DLG2: variants seen among roughly 807,000 people sequenced by gnomAD.
DLG2 encodes discs large MAGUK scaffold protein 2.
In DLG2, 45 loss-of-function variants were observed where a neutral mutation model predicts 132.5. The ratio of observed to expected loss-of-function variants is 0.34; its 90% confidence interval spans 0.27 to 0.44. The LOEUF is 0.44. Among genes scored for constraint, DLG2 ranks in the 20% least tolerant of loss-of-function variants. The pLI, the probability that DLG2 is intolerant of heterozygous loss-of-function variation, is 1.00. For missense variants in DLG2, 1,045 were observed against 1,196.9 expected, an observed-to-expected ratio of 0.87 and a Z score of 1.87; for synonymous variants, 424 against 419.6, an observed-to-expected ratio of 1.01 and a Z score of -0.13.
intron 6 of DLG2, among the ~76,000 whole-genome samples, chr11:84,926,390 T>G (rs1274943573): frequency 6.6e-6 from 1 of 152,054 alleles, no homozygotes; most frequent in African/African-American, 2.4e-5. Flanking sequence ...ATCTAAAATA[T>G]CCATCAGTAT....
intron 6 of DLG2, among the ~76,000 whole-genome samples, chr11:84,879,847 C>T (rs938952227): frequency 3.9e-5 from 6 of 152,176 alleles, no homozygotes; most frequent in South Asian, 4.2e-4. Context: ...TATCAAGCTC[C>T]GCTAATCCCA....
chr11:84,622,866 G>A (rs1030595927), intron 6 of DLG2, among the ~76,000 whole-genome samples: 4 of 152,020 alleles, frequency 2.6e-5, no homozygotes, highest in African/African-American at 7.2e-5. Flanking sequence ...GGAGGATATC[G>A]ACCACTGTGA....
At chr11:84,542,533 A>G (rs1256700298) in intron 6 of DLG2, among the ~76,000 whole-genome samples, 5 of 152,200 alleles carry the variant, frequency 3.3e-5, no homozygotes, top group African/African-American at 1.2e-4. Flanking sequence ...AATGCTACAT[A>G]CATAGTGTGT....
At chr11:83,520,695 G>GATAGATAGATAGATAGA (rs1565616703) in intron 21 of DLG2, among the ~76,000 whole-genome samples, 7,313 of 149,110 alleles carry the variant, frequency 0.049, 228 homozygotes, top group East Asian at 0.076. Context: ...AAGTAGGTAG[G>GATAGATAGATAGATAGA]TAGATAGATA....
chr11:83,612,887 T>A (rs1198241639), intron 19 of DLG2, among the ~76,000 whole-genome samples: 1 of 151,732 alleles, frequency 6.6e-6, no homozygotes, highest in Non-Finnish European at 1.5e-5. Context: ...GTAGGCAGAG[T>A]CCAAGTTAAA....
At chr11:83,918,040 A>C (rs1420612857) in intron 15 of DLG2, among the ~76,000 whole-genome samples, 1 of 152,166 alleles carries the variant, frequency 6.6e-6, no homozygotes, top group Non-Finnish European at 1.5e-5. Flanking sequence ...GGGTCTGAAA[A>C]CAGTAATAAT....
intron 6 of DLG2, among the ~76,000 whole-genome samples, chr11:84,664,438 CTT>C (rs750028083): frequency 6.6e-6 from 1 of 152,152 alleles, no homozygotes; most frequent in Non-Finnish European, 1.5e-5. Flanking sequence ...TAACAGAAGA[CTT>C]TGACAAATGT....
intron 11 of DLG2, among the ~76,000 whole-genome samples, chr11:84,009,412 C>T (rs2094757851): frequency 6.6e-6 from 1 of 152,064 alleles, no homozygotes; most frequent in Non-Finnish European, 1.5e-5. Flanking sequence ...AGCTCACATA[C>T]TAAAATGAGC....
At chr11:84,709,194 C>T (rs999544357) in intron 6 of DLG2, among the ~76,000 whole-genome samples, 1 of 151,786 alleles carries the variant, frequency 6.6e-6, no homozygotes. Flanking sequence ...TAAATGAAAC[C>T]TTATCTAGCA....
chr11:84,892,149 C>A (rs2089497113), intron 6 of DLG2, among the ~76,000 whole-genome samples: 1 of 152,040 alleles, frequency 6.6e-6, no homozygotes, highest in African/African-American at 2.4e-5. Context: ...AGAAAGGGAC[C>A]TAAATATAAA....
chr11:83,946,792 A>G lies in DLG2; in HGVS notation c.1340+16093T>C, dbSNP rs1217924880. Among the ~76,000 whole-genome samples the G allele has an allele frequency of 2.0e-5, 3 of 152,218 alleles. No individual in the cohort carries two copies. The South Asian group carries it at 6.2e-4, about 31-fold the overall frequency. On this transcript the variant is annotated intron_variant, in intron 14 of 27. Transcript: ENST00000376104. The stretch of plus-strand genomic sequence containing the variant: ...AAATTTTTGTTAGCAGAATTTAAAC[A>G]AATATTTCTCTCTAAGCTGCAGAAA...
chr11:83,847,140 G>A (rs1414715147), intron 16 of DLG2, among the ~76,000 whole-genome samples: 1 of 151,964 alleles, frequency 6.6e-6, no homozygotes, highest in African/African-American at 2.4e-5. Context: ...AATAATTTTA[G>A]CAATCTTGTT....
intron 6 of DLG2, among the ~76,000 whole-genome samples, chr11:84,796,839 T>TTTTATTTTA (rs2074687232): frequency 6.7e-6 from 1 of 149,750 alleles, no homozygotes; most frequent in African/African-American, 2.5e-5. Flanking sequence ...TTTTATTATA[T>TTTTATTTTA]TTTATTTATT....
chr11:85,219,875 A>T (rs1203817321), intron 4 of DLG2, among the ~76,000 whole-genome samples: 1 of 151,678 alleles, frequency 6.6e-6, no homozygotes, highest in Non-Finnish European at 1.5e-5. Context: ...GAAATTCTGC[A>T]TTTGGAGAAC....
chr11:85,019,293 T>C (rs140599431), intron 6 of DLG2, among the ~76,000 whole-genome samples: 241 of 151,896 alleles, frequency 1.6e-3, no homozygotes, highest in African/African-American at 5.5e-3. Context: ...GAAGTGAAAA[T>C]GGGACTAGGC....
chr11:84,007,698 T>A (rs541309742), intron 11 of DLG2, among the ~76,000 whole-genome samples: 16 of 151,838 alleles, frequency 1.1e-4, no homozygotes, highest in African/African-American at 3.9e-4. Context: ...AGATAATATA[T>A]GACACAAGCA....
At chr11:84,243,859 G>C (rs1423367196) in intron 8 of DLG2, among the ~76,000 whole-genome samples, 1 of 152,132 alleles carries the variant, frequency 6.6e-6, no homozygotes, top group African/African-American at 2.4e-5. Flanking sequence ...CCAGTCTCAC[G>C]ATGAATATTC....
chr11:85,265,470 T>A (rs2077159614), intron 4 of DLG2, among the ~76,000 whole-genome samples: 1 of 152,186 alleles, frequency 6.6e-6, no homozygotes, highest in Admixed American at 6.5e-5. Flanking sequence ...CTCCAAGGCC[T>A]ATGCTCCTTC....
At chr11:84,372,209 T>C (rs1451292864) in intron 7 of DLG2, among the ~76,000 whole-genome samples, 2 of 152,180 alleles carry the variant, frequency 1.3e-5, no homozygotes, top group African/African-American at 4.8e-5. Context: ...ATTTTTAAAA[T>C]TCAGAAAGCA....
Sources: gnomAD v4.1 joint callset for allele counts (sites outside exome capture counted in the v4.1 genomes callset) on GRCh38, gnomAD v4.1.1 for gene constraint, MANE v1.5 for transcripts, NCBI Gene and HGNC (gene_info 2026-07-23, HGNC 2026-07-21) for gene names.